Variants in RCBTB2 observed in about 807,000 individuals in gnomAD.
RCBTB2 encodes the protein RCC1 and BTB domain-containing protein 2.
Under a neutral mutation model 65.4 loss-of-function variants are expected in RCBTB2, and 55 were observed. That is an observed-to-expected ratio of 0.84 (90% CI 0.68 to 1.05). The LOEUF (loss-of-function observed/expected upper bound fraction) is 1.05, where lower values mean the gene tolerates loss of function less well. RCBTB2 is among the 50% of genes least tolerant of loss of function. The pLI, the probability that RCBTB2 is intolerant of heterozygous loss-of-function variation, is 0.00. For missense variants in RCBTB2, 599 were observed against 680.1 expected (o/e 0.88, Z 1.33); for synonymous variants, 220 against 255.2 (o/e 0.86, Z 1.31).
At chr13:48,495,348 A>G (rs892204217) in intron 14 of RCBTB2, among the ~76,000 whole-genome samples, 2 of 152,264 alleles carry the variant, frequency 1.3e-5, no homozygotes, top group Middle Eastern at 6.8e-3. Flanking sequence ...GTAGATAATG[A>G]ATTTTAGTTT....
intron 1 of RCBTB2, among the ~76,000 whole-genome samples, chr13:48,530,259 A>G (rs1952038397): frequency 6.6e-6 from 1 of 152,196 alleles, no homozygotes; most frequent in Non-Finnish European, 1.5e-5. Context: ...TGGGGCATTT[A>G]AATTTTACTT....
chr13:48,512,820 G>A lies in RCBTB2; in HGVS notation c.425C>T (p.Pro142Leu), dbSNP rs778339868. Reference sequence around the variant, plus strand: ...TGACAGATTAGTAGAGATATGACAGGGCACTAAACCATGATTAGTTGTCCC... The same window carrying A: ...TGACAGATTAGTAGAGATATGACAGAGCACTAAACCATGATTAGTTGTCCC... The part of the protein sequence containing the change: ...GNGTTNHGLV[P>L]CHISTNLSNK... Residue 142 changes from proline to leucine, a missense_variant, in exon 7 of 15, where the codon CCC becomes CTC. Coordinates refer to ENST00000344532, the MANE Select transcript of RCBTB2 (RefSeq NM_001268.4). The A allele has an allele frequency of 3.1e-6, 5 of 1,613,604 alleles. No homozygotes were observed. Among genetic ancestry groups the A allele is most frequent in the Non-Finnish European group, 4.2e-6 (5 of 1,179,578 alleles).
chr13:48,507,727 G>A (rs1413127693), intron 10 of RCBTB2, among the ~76,000 whole-genome samples: 1 of 152,216 alleles, frequency 6.6e-6, no homozygotes, highest in Non-Finnish European at 1.5e-5. Context: ...AAGAGCCCAA[G>A]TATTATACCA....
At chr13:48,506,677 T>G (rs1410687451) in intron 10 of RCBTB2, among the ~76,000 whole-genome samples, 1 of 152,198 alleles carries the variant, frequency 6.6e-6, no homozygotes, top group Non-Finnish European at 1.5e-5. Context: ...AAGGGCCTTC[T>G]GTGTTTGAAC....
At chr13:48,508,298 A>G (rs920992009) in intron 10 of RCBTB2, among the ~76,000 whole-genome samples, 1 of 152,258 alleles carries the variant, frequency 6.6e-6, no homozygotes, top group Non-Finnish European at 1.5e-5. Flanking sequence ...CTCCCTCGGA[A>G]TACGCCCGTG....
chr13:48,531,627 C>CT (rs1952128485), intron 1 of RCBTB2, among the ~76,000 whole-genome samples: 1 of 152,148 alleles, frequency 6.6e-6, no homozygotes, highest in Non-Finnish European at 1.5e-5. Context: ...AGCAATAAGG[C>CT]CTGAGTGGTG....
intron 10 of RCBTB2, among the ~76,000 whole-genome samples, chr13:48,510,313 G>T (rs1200515232): frequency 1.3e-5 from 2 of 152,176 alleles, no homozygotes; most frequent in Non-Finnish European, 2.9e-5. Context: ...TGTAAAACAG[G>T]AAAAGGAGGA....
intron 1 of RCBTB2, among the ~76,000 whole-genome samples, chr13:48,524,987 G>T (rs1487432137): frequency 6.6e-6 from 1 of 151,846 alleles, no homozygotes; most frequent in East Asian, 1.9e-4. Flanking sequence ...TCAGGAGAGG[G>T]TTTCAACAAT....
intron 10 of RCBTB2, among the ~76,000 whole-genome samples, chr13:48,505,237 A>C (rs924894246): frequency 5.3e-5 from 8 of 152,172 alleles, no homozygotes; most frequent in Non-Finnish European, 8.8e-5. Flanking sequence ...TAAAATGTTA[A>C]GTGCCAACCA....
chr13:48,501,946 A>G, intron 11 of RCBTB2, 78 bp from the exon 12 acceptor site: 1 of 1,257,438 alleles, frequency 8.0e-7, no homozygotes, highest in Middle Eastern at 2.0e-4. Flanking sequence ...GCACTACTCT[A>G]CTGGTACTCA....
chr13:48,512,855 C>A lies in RCBTB2; in HGVS notation c.390G>T (p.Gln130His), dbSNP rs2138546105. The change falls in exon 7 of 15, where the codon CAG becomes CAT. Residue 130 changes from glutamine (Q) to histidine (H), a missense_variant. By Grantham distance (24) the Gln-to-His change is conservative. Coordinates refer to ENST00000344532, the MANE Select transcript of RCBTB2 (RefSeq NM_001268.4). The part of the protein sequence containing the change: ...VFTWGHNAYS[Q>H]LGNGTTNHGL... ...CATGATTAGTTGTCCCATTGCCCAGCTGGCTATAAGCATTATGACCCCAGG... is the reference window on the plus strand; with the variant it reads ...CATGATTAGTTGTCCCATTGCCCAGATGGCTATAAGCATTATGACCCCAGG... The A allele has an allele frequency of 1.2e-6, 2 of 1,613,960 alleles. No homozygotes were observed. The highest frequency in any genetic ancestry group is 1.1e-5 in the South Asian group (1 of 91,074).
At chr13:48,519,535 T>C (rs1401463762) in intron 4 of RCBTB2, among the ~76,000 whole-genome samples, 1 of 152,210 alleles carries the variant, frequency 6.6e-6, no homozygotes, top group Non-Finnish European at 1.5e-5. Context: ...TACTGGCTAC[T>C]GGGATTCCAA....
chr13:48,535,523 C>T (rs192987437), upstream of RCBTB2, among the ~76,000 whole-genome samples: 292 of 152,240 alleles, frequency 1.9e-3, 2 homozygotes, highest in African/African-American at 6.6e-3. Flanking sequence ...CCTAAAGTGC[C>T]GAGATTATAG....
At chr13:48,532,633 C>G (rs574088995) in intron 1 of RCBTB2, 1 of 237,874 alleles carries the variant, frequency 4.2e-6, no homozygotes, top group East Asian at 1.8e-4. Flanking sequence ...GATGATCACC[C>G]TGGAACGACG....
intron 10 of RCBTB2, among the ~76,000 whole-genome samples, chr13:48,503,910 A>T (rs1466080854): frequency 1.3e-5 from 2 of 152,174 alleles, no homozygotes; most frequent in Non-Finnish European, 2.9e-5. Flanking sequence ...CTTTTCCATC[A>T]GAATAAGCCA....
chr13:48,525,144 C>T (rs893447411), intron 1 of RCBTB2, among the ~76,000 whole-genome samples: 3 of 151,376 alleles, frequency 2.0e-5, no homozygotes, highest in Non-Finnish European at 4.4e-5. Flanking sequence ...ATATTTATGA[C>T]CTCAGAGCAG....
chr13:48,512,786 T>G lies in RCBTB2; in HGVS notation c.459A>C (p.Gln153His), dbSNP rs1161909238. 1 of 1,613,936 alleles carries G rather than the reference T, an allele frequency of 6.2e-7. No homozygotes were observed. Among genetic ancestry groups the G allele is most frequent in the Non-Finnish European group, 8.5e-7 (1 of 1,179,930 alleles). Residue 153 changes from glutamine to histidine, a missense_variant, in exon 7 of 15, where the codon CAA becomes CAC. By Grantham distance (24) the Gln-to-His change is conservative. Transcript: ENST00000344532. ...CHISTNLSNK[Q>H]VIEVACGSYH... ...AAGACCCACAGGCAACTTCAATGAC[T>G]TGTTTGTTTGACAGATTAGTAGAGA...
In RCBTB2 at chr13:48,490,028, A is replaced by C. The variant is rs1427154883; in HGVS notation, c.*83T>G. 8 of 1,434,786 alleles carry C rather than the reference A, an allele frequency of 5.6e-6. No individual in the cohort carries two copies. Among genetic ancestry groups the C allele is most frequent in the African/African-American group, 1.4e-5 (1 of 70,886 alleles). 88.9% of individuals were successfully genotyped at this position (1,434,786 alleles called of 1,614,324 possible). ...CTCAGCCAAACATAGCTCATCATAC[A>C]TACTATTAATTAAAGAGAAGTGATT... On this transcript the variant is annotated 3_prime_UTR_variant, in exon 15 of 15. Transcript: ENST00000344532.
chr13:48,526,610 C>CT (rs1253021628), intron 1 of RCBTB2, among the ~76,000 whole-genome samples: 2 of 152,088 alleles, frequency 1.3e-5, no homozygotes, highest in Non-Finnish European at 2.9e-5. Context: ...GAGCAAGACT[C>CT]TGTCTCTAAG....
Sources: allele counts gnomAD v4.1 joint callset (sites outside exome capture counted in the v4.1 genomes callset), GRCh38; gene constraint gnomAD v4.1.1; transcripts MANE v1.5; gene names NCBI Gene and HGNC (gene_info 2026-07-23, HGNC 2026-07-21).